Variants in PHF3 observed in about 807,000 individuals in gnomAD.
PHF3 encodes the protein PHD finger protein 3.
Under a neutral mutation model 178.4 loss-of-function variants are expected in PHF3, and 41 were observed. The observed-to-expected ratio is 0.23, with a 90% CI of 0.18 to 0.30. The LOEUF is 0.30. Among genes scored for constraint, PHF3 ranks in the 10% least tolerant of loss-of-function variants. PHF3 has a pLI of 1.00. For synonymous variants in PHF3, 842 were observed against 800.5 expected, an observed-to-expected ratio of 1.05 and a Z score of -0.88; for missense variants, 2,346 against 2,398.1, an observed-to-expected ratio of 0.98 and a Z score of 0.45.
At chr6:63,659,883 A>G (rs1765393454) in intron 2 of PHF3, among the ~76,000 whole-genome samples, 1 of 152,138 alleles carries the variant, frequency 6.6e-6, no homozygotes, top group Non-Finnish European at 1.5e-5. Flanking sequence ...TAATTTCCTG[A>G]GGTTATTAAT....
rs756569769 is a variant in PHF3 at position 63,684,718 on chromosome 6, T to C, written c.996T>C (p.Asp332=). 1.2e-6 allele frequency: 2 copies of C among 1,613,778 alleles called. No individual in the cohort carries two copies. The stretch of plus-strand genomic sequence containing the variant: ...AGACAGTAAAATTATCCCATGAAGA[T>C]GACCATATTCTTGAGGACGCTGGAT... ...SKETVKLSHE[D]DHILEDAGSS... is the part of the protein sequence containing the mutation. Residue 332 remains aspartate (D), a synonymous_variant, in exon 4 of 16, where the codon GAT becomes GAC. Coordinates refer to ENST00000262043, the MANE Select transcript of PHF3 (RefSeq NM_001370348.2).
At chr6:63,657,459 T>C (rs1045918971) in intron 2 of PHF3, among the ~76,000 whole-genome samples, 1 of 152,176 alleles carries the variant, frequency 6.6e-6, no homozygotes, top group Non-Finnish European at 1.5e-5. Context: ...TTTTGTACAT[T>C]ATATGTTACG....
intron 2 of PHF3, among the ~76,000 whole-genome samples, chr6:63,667,331 T>A (rs1406649880): frequency 2.0e-5 from 3 of 152,200 alleles, no homozygotes; most frequent in Non-Finnish European, 4.4e-5. Context: ...TTTAAAAAAA[T>A]TTTTAATTTA....
intron 1 of PHF3, among the ~76,000 whole-genome samples, chr6:63,643,219 A>G (rs562842415): frequency 3.5e-4 from 54 of 152,188 alleles, no homozygotes; most frequent in African/African-American, 1.3e-3. Flanking sequence ...AAATATTTCT[A>G]CATTTGGCTA....
chr6:63,663,949 C>A (rs903243992), intron 2 of PHF3, among the ~76,000 whole-genome samples: 1 of 152,110 alleles, frequency 6.6e-6, no homozygotes, highest in Admixed American at 6.5e-5. Context: ...GTTGTATGTT[C>A]ATTTCTACTC....
chr6:63,675,918 T>A (rs1766146044), intron 2 of PHF3, among the ~76,000 whole-genome samples: 1 of 152,184 alleles, frequency 6.6e-6, no homozygotes, highest in African/African-American at 2.4e-5. Context: ...ATTCTCTGCT[T>A]TGTGTGTCAA....
chr6:63,645,756 A>G (rs1189216240), intron 1 of PHF3, among the ~76,000 whole-genome samples: 1 of 152,208 alleles, frequency 6.6e-6, no homozygotes, highest in Non-Finnish European at 1.5e-5. Context: ...TGAGCAATGT[A>G]GGTACAATTC....
At chr6:63,679,036 A>G (rs2149576747) in intron 2 of PHF3, 1 of 164,602 alleles carries the variant, frequency 6.1e-6, no homozygotes, top group Non-Finnish European at 1.3e-5. Flanking sequence ...TAGGACAGGT[A>G]TTGTTATTCT....
At chr6:63,636,430 C>G in intron 1 of PHF3, 1 of 152,330 alleles carries the variant, frequency 6.6e-6, no homozygotes. Context: ...ACCACGGCCT[C>G]TCTCCCGACC....
At position 63,713,707 on chromosome 6, in the gene PHF3, A is replaced by G. The variant is rs547839121; in HGVS notation, c.6119A>G (p.Ter2040=). ...ACTGACAGAACTAAAAGCAAAAGGT[A>G]AAATTTGCAGGCTGCTTCAGGATTA... The part of the protein sequence containing the change: ...DHTDRTKSKR[*] The change falls in exon 16 of 16, where the codon TAA becomes TGA. Residue 2040 remains the stop codon, a stop_retained_variant. Transcript: ENST00000262043. The G allele has an allele frequency of 6.5e-7, 1 of 1,550,148 alleles. No individual in the cohort carries two copies. Among genetic ancestry groups the G allele is most frequent in the Admixed American group, 2.2e-5 (1 of 45,302 alleles).
chr6:63,670,610 G>C (rs1765875171), intron 2 of PHF3, among the ~76,000 whole-genome samples: 1 of 152,110 alleles, frequency 6.6e-6, no homozygotes, highest in South Asian at 2.1e-4. Context: ...TATTTCTTTT[G>C]ATTGCTGAGG....
chr6:63,686,246 G>C (rs1010799936), intron 4 of PHF3: 3 of 242,432 alleles, frequency 1.2e-5, no homozygotes, highest in African/African-American at 6.7e-5. Context: ...TTGTTATACT[G>C]CTTTGGGTCT....
intron 10 of PHF3, among the ~76,000 whole-genome samples, chr6:63,703,038 C>T (rs573887444): frequency 2.0e-4 from 31 of 152,236 alleles, no homozygotes; most frequent in South Asian, 1.5e-3. Context: ...CCAATACACC[C>T]AGCTAATTTT....
At position 63,721,927 on chromosome 6, in the gene PHF3, T is replaced by C; in HGVS notation, c.*8219T>C. ...AAGTAACAGATCTTGAGCACAATTGTGTTAGTTTTGTTTCCACTCACAGAG... is the reference window on the plus strand; with the variant it reads ...AAGTAACAGATCTTGAGCACAATTGCGTTAGTTTTGTTTCCACTCACAGAG... On this transcript the variant is annotated 3_prime_UTR_variant, in exon 16 of 16. Transcript: ENST00000262043. The C allele has an allele frequency of 1.2e-6, 1 of 807,052 alleles. No individual in the cohort carries two copies. The highest frequency in any genetic ancestry group is 1.7e-5 in the African/African-American group (1 of 57,614). 50.0% of individuals were successfully genotyped at this position (807,052 alleles called of 1,614,324 possible). A position where few individuals can be genotyped will look rare whatever the true frequency, so the allele number is the denominator to read the frequency against.
chr6:63,706,073 A>G lies in PHF3; in HGVS notation c.3412A>G (p.Lys1138Glu). The G allele has an allele frequency of 6.2e-7, 1 of 1,613,856 alleles. No individual in the cohort carries two copies. The highest frequency in any genetic ancestry group is 8.5e-7 in the Non-Finnish European group (1 of 1,179,942). Reference protein sequence around the residue: ...PVDDLSPKKVKVVVGVARKHS... With the variant: ...PVDDLSPKKVEVVVGVARKHS... ...AGATGATCTTTCTCCAAAAAAAGTA[A>G]AAGTTGTTGTAGGAGTAGCTCGCAA... The change falls in exon 12 of 16, where the codon AAA (lysine) becomes GAA (glutamate). Residue 1138 changes from lysine (K) to glutamate (E), a missense_variant. Lys to Glu is a moderately conservative substitution (Grantham distance 56). Transcript: ENST00000262043.
intron 5 of PHF3, among the ~76,000 whole-genome samples, chr6:63,693,291 C>A (rs67632720): frequency 0.078 from 11,879 of 152,158 alleles, 533 homozygotes; most frequent in East Asian, 0.16. Flanking sequence ...TTGTATTGAC[C>A]ATAGCTGAGT....
rs1270512277 is a variant in PHF3, at chr6:63,691,797, T to A, written c.2250T>A (p.Ser750Arg). 6 of 1,613,842 alleles carry A rather than the reference T, an allele frequency of 3.7e-6. No homozygotes were observed. The highest frequency in any genetic ancestry group is 3.3e-5 in the Admixed American group (2 of 59,992). ...DWFHGDCVGL[S>R]LSQAQQMGEE... ...TTCATGGTGATTGTGTTGGGTTAAG[T>A]CTTTCTCAAGCACAGCAGATGGGCG... The change falls in exon 5 of 16, where the codon AGT becomes AGA. Residue 750 changes from serine (S) to arginine (R), a missense_variant. Coordinates refer to ENST00000262043, the MANE Select transcript of PHF3 (RefSeq NM_001370348.2).
In PHF3 at chr6:63,713,792, A is replaced by G; in HGVS notation, c.*84A>G. 1.7e-6 allele frequency: 2 copies of G among 1,188,800 alleles called. No homozygotes were observed. The highest frequency in any genetic ancestry group is 2.3e-6 in the Non-Finnish European group (2 of 864,226). 73.6% of individuals were successfully genotyped at this position (1,188,800 alleles called of 1,614,324 possible). The stretch of plus-strand genomic sequence containing the variant: ...AACAAAAGAAAGATTGCCTGCTAGG[A>G]TTGTGCCATCTTTAAAATTTTTACT... On this transcript the variant is annotated 3_prime_UTR_variant, in exon 16 of 16. Transcript: ENST00000262043.
At chr6:63,646,393 A>AT (rs1176126257) in intron 1 of PHF3, 134 bp from the exon 2 acceptor site, 1,292 of 501,634 alleles carry the variant, frequency 2.6e-3, no homozygotes, top group South Asian at 3.5e-3. Flanking sequence ...ACAAGTGAGG[A>AT]TTTTTTTTTT....
Sources: allele counts gnomAD v4.1 joint callset (sites outside exome capture counted in the v4.1 genomes callset), GRCh38; gene constraint gnomAD v4.1.1; transcripts MANE v1.5; gene names NCBI Gene and HGNC (gene_info 2026-07-23, HGNC 2026-07-21).